The following ORC2 variants were observed in gnomAD, a reference collection of about 807,000 sequenced individuals.
ORC2 encodes the protein origin recognition complex protein 2 homolog.
A neutral mutation model predicts 77.7 loss-of-function variants in ORC2; 37 were observed. That is an observed-to-expected ratio of 0.48 (90% CI 0.37 to 0.63). The LOEUF (loss-of-function observed/expected upper bound fraction) is 0.63, where lower values mean the gene tolerates loss of function less well. ORC2 is among the 20% of genes least tolerant of loss of function. ORC2 has a pLI of 0.00. For synonymous variants in ORC2, 201 were observed against 229.5 expected (o/e 0.88, Z 1.12); for missense variants, 557 against 661.9 (o/e 0.84, Z 1.74).
intron 4 of ORC2, among the ~76,000 whole-genome samples, chr2:200,954,449 C>G (rs867027935): frequency 2.6e-5 from 4 of 152,166 alleles, no homozygotes; most frequent in Admixed American, 1.3e-4. Context: ...TGTCTAATGA[C>G]AGAGTAATGT....
chr2:200,945,060 G>A (rs187626411), intron 5 of ORC2, among the ~76,000 whole-genome samples: 2 of 152,328 alleles, frequency 1.3e-5, no homozygotes, highest in Admixed American at 1.3e-4. Flanking sequence ...AGTCACAACA[G>A]AGACTGTCTA....
At chr2:200,929,707 G>A (rs2124970760) in intron 11 of ORC2, among the ~76,000 whole-genome samples, 1 of 152,118 alleles carries the variant, frequency 6.6e-6, no homozygotes, top group African/African-American at 2.4e-5. Flanking sequence ...TGAGGTGGGA[G>A]GATTGCTTGA....
rs761962953 is a variant in ORC2 at position 200,958,049 on chromosome 2, G to A, written c.75C>T (p.His25=). ...TAATACCTCCTTCTCTATCTAGAAT[G>A]TGATTAAGAACATCATCATCTCCCA... ...HFVGDDDVLN[H]ILDREGGAKL... is the part of the protein sequence containing the mutation. The change falls in exon 3 of 18, where the codon CAC becomes CAT. Residue 25 remains histidine (H), a synonymous_variant. Coordinates refer to ENST00000234296, the MANE Select transcript of ORC2 (RefSeq NM_006190.5). The A allele has an allele frequency of 6.3e-7, 1 of 1,599,824 alleles. No homozygotes were observed. The highest frequency in any genetic ancestry group is 1.7e-5 in the Admixed American group (1 of 59,972).
At position 200,926,904 on chromosome 2, in the gene ORC2, T is replaced by A; in HGVS notation, c.918-4A>T. ...AAGCACAATGTTGAACCCAAGGCTG[T>A]TAGGAAAGACAGTATTCATGAAATT... On this transcript the variant is annotated splice_polypyrimidine_tract_variant and splice_region_variant and intron_variant, in intron 11 of 17. Coordinates refer to ENST00000234296, the MANE Select transcript of ORC2 (RefSeq NM_006190.5). 1 of 1,612,890 alleles carries A rather than the reference T, an allele frequency of 6.2e-7. No homozygotes were observed. Among genetic ancestry groups the A allele is most frequent in the Non-Finnish European group, 8.5e-7 (1 of 1,179,436 alleles).
chr2:200,930,643 C>T (rs1309481671), intron 11 of ORC2, among the ~76,000 whole-genome samples: 6 of 151,922 alleles, frequency 3.9e-5, no homozygotes, highest in Non-Finnish European at 8.8e-5. Flanking sequence ...TTATTTACCT[C>T]AGTGACAATG....
chr2:200,948,128 T>C (rs1032716563), intron 5 of ORC2, among the ~76,000 whole-genome samples: 11 of 151,960 alleles, frequency 7.2e-5, no homozygotes, highest in Admixed American at 6.6e-5. Flanking sequence ...TTAGCCAGGA[T>C]GGTCTCGATC....
At chr2:200,962,005 A>C (rs2041583545) in intron 1 of ORC2, among the ~76,000 whole-genome samples, 1 of 152,262 alleles carries the variant, frequency 6.6e-6, no homozygotes, top group African/African-American at 2.4e-5. Flanking sequence ...TCTACACAAG[A>C]ATTGCCTGGA....
In ORC2 at chr2:200,920,261, G is replaced by T; in HGVS notation, c.1427C>A (p.Ser476Tyr). 1 of 1,613,808 alleles carries T rather than the reference G, an allele frequency of 6.2e-7. No individual in the cohort carries two copies. The highest frequency in any genetic ancestry group is 8.5e-7 in the Non-Finnish European group (1 of 1,179,840). The stretch of plus-strand genomic sequence containing the variant: ...AAGGCTTCGTAAGACATGAGTAAGG[G>T]AGCTAAGTGGCAGGGATCCAGACTG... ...VKQSGSLPLS[S>Y]LTHVLRSLTP... The change falls in exon 15 of 18, where the codon TCC (serine) becomes TAC (tyrosine). Residue 476 changes from serine to tyrosine, a missense_variant. Coordinates refer to ENST00000234296, the MANE Select transcript of ORC2 (RefSeq NM_006190.5).
intron 8 of ORC2, among the ~76,000 whole-genome samples, chr2:200,937,548 C>T (rs546949420): frequency 3.9e-5 from 6 of 152,140 alleles, no homozygotes; most frequent in African/African-American, 7.2e-5. Flanking sequence ...AAATCTGAAA[C>T]GATTTTTAAT....
intron 13 of ORC2, 81 bp from the exon 14 acceptor site, chr2:200,921,220 T>G: frequency 1.2e-6 from 1 of 864,756 alleles, no homozygotes; most frequent in South Asian, 2.4e-5. Context: ...AGTGCAGTGG[T>G]ACAATCATAG....
At chr2:200,928,690 T>C (rs2040885010) in intron 11 of ORC2, among the ~76,000 whole-genome samples, 1 of 151,598 alleles carries the variant, frequency 6.6e-6, no homozygotes, top group Admixed American at 6.6e-5. Context: ...GGCAGGCACC[T>C]GTAGTCCCAG....
rs16835768 is a variant in ORC2, at chr2:200,924,732, T to C, written c.1147+1104A>G. Among the ~76,000 whole-genome samples the C allele has an allele frequency of 4.3e-3, 657 of 152,294 alleles. 1 individual carries two copies. Among genetic ancestry groups the C allele is most frequent in the Non-Finnish European group, 6.7e-3 (458 of 68,008 alleles). ...ATAAAATTATCTCAATGTAATGATA[T>C]GTACACAGAATAAAGAAATAATGTT... On this transcript the variant is annotated intron_variant, in intron 13 of 17. Coordinates refer to ENST00000234296, the MANE Select transcript of ORC2 (RefSeq NM_006190.5).
intron 4 of ORC2, among the ~76,000 whole-genome samples, chr2:200,955,367 T>G (rs955363140): frequency 8.5e-5 from 13 of 152,200 alleles, no homozygotes; most frequent in Admixed American, 5.2e-4. Flanking sequence ...TTTGTATAAC[T>G]CTATACATGG....
intron 4 of ORC2, 31 bp from the exon 5 acceptor site, chr2:200,949,674 G>A: frequency 8.4e-6 from 11 of 1,307,814 alleles, no homozygotes; most frequent in East Asian, 4.8e-5. Flanking sequence ...ATACATTTAG[G>A]AAAAAAGAAC....
intron 1 of ORC2, among the ~76,000 whole-genome samples, chr2:200,960,284 AT>A (rs35614223): frequency 1.3e-5 from 2 of 152,054 alleles, no homozygotes; most frequent in Non-Finnish European, 2.9e-5. Flanking sequence ...GGTCAAAAAA[AT>A]TTTTTTAAAC....
intron 4 of ORC2, among the ~76,000 whole-genome samples, chr2:200,954,360 C>T (rs2041424950): frequency 6.6e-6 from 1 of 152,090 alleles, no homozygotes; most frequent in Non-Finnish European, 1.5e-5. Context: ...GAAAATGTAA[C>T]TATGATTAAA....
Position 200,935,761 on chromosome 2 carries a change from T to C in ORC2, c.646A>G (p.Arg216Gly), listed in dbSNP as rs755751861. ...TTGCCAACAGGAGCTGAAACTACTC[T>C]ATTCTGAGCTTGAATCTTTTGGCTG... ...IFSQKIQAQN[R>G]VVSAPVGKET... The change falls in exon 9 of 18, where the codon AGA becomes GGA. Residue 216 changes from arginine to glycine, a missense_variant. Transcript: ENST00000234296. 6.2e-7 allele frequency: 1 copy of C among 1,614,112 alleles called. No individual in the cohort carries two copies. The highest frequency in any genetic ancestry group is 8.5e-7 in the Non-Finnish European group (1 of 1,179,994).
intron 15 of ORC2, among the ~76,000 whole-genome samples, chr2:200,915,344 C>T (rs1176808091): frequency 1.3e-5 from 2 of 151,878 alleles, no homozygotes; most frequent in Non-Finnish European, 2.9e-5. Context: ...GTAAGAAGAA[C>T]TTAAGGAAGT....
At chr2:200,947,202 A>C (rs1249584742) in intron 5 of ORC2, among the ~76,000 whole-genome samples, 1 of 152,166 alleles carries the variant, frequency 6.6e-6, no homozygotes, top group South Asian at 2.1e-4. Context: ...GCGACCAACC[A>C]AAAAAACTTA....
Sources: gnomAD v4.1 joint callset for allele counts (sites outside exome capture counted in the v4.1 genomes callset) on GRCh38, gnomAD v4.1.1 for gene constraint, MANE v1.5 for transcripts, NCBI Gene and HGNC (gene_info 2026-07-23, HGNC 2026-07-21) for gene names.